Variants in UNC5A observed in about 807,000 individuals in gnomAD.
UNC5A encodes the protein netrin receptor UNC5A.
UNC5A carries 20 observed loss-of-function variants against 87.4 expected under a neutral mutation model. The observed-to-expected ratio is 0.23, with a 90% CI of 0.16 to 0.33. The LOEUF is 0.33. UNC5A is among the 10% of genes least tolerant of loss of function. The probability of loss-of-function intolerance (pLI) is 1.00; values close to 1 mark genes in which losing one functional copy is unlikely to be tolerated. For missense variants in UNC5A, 844 were observed against 1,133.4 expected (o/e 0.74, Z 3.67); for synonymous variants, 438 against 482.3 (o/e 0.91, Z 1.20).
intron 1 of UNC5A, among the ~76,000 whole-genome samples, chr5:176,823,458 C>A (rs1430817281): frequency 6.6e-6 from 1 of 152,172 alleles, no homozygotes; most frequent in Non-Finnish European, 1.5e-5. Flanking sequence ...GACTTAAAGC[C>A]AGCCGTGGCC....
chr5:176,826,652 T>C (rs1756861452), intron 1 of UNC5A, among the ~76,000 whole-genome samples: 1 of 147,472 alleles, frequency 6.8e-6, no homozygotes, highest in Admixed American at 6.7e-5. Flanking sequence ...TTTTTTTTTT[T>C]TTTTTTTTGA....
rs537880656 is a variant in UNC5A at position 176,865,528 on chromosome 5, G to A, written c.293-2602G>A. On this transcript the variant is annotated intron_variant, in intron 2 of 14. Coordinates refer to ENST00000329542, the MANE Select transcript of UNC5A (RefSeq NM_133369.3). This position sits in a 1 kb window ranked among gnomAD's most constrained non-coding sequence, Gnocchi z 5.3. ...AACCGCCAGGGTCCTCTTCTGCCCC[G>A]AGCATCCGACTCCAGCCTCCCATGG... 16 of 453,820 alleles carry A rather than the reference G, an allele frequency of 3.5e-5. No homozygotes were observed. The highest frequency in any genetic ancestry group is 2.8e-4 in the East Asian group (4 of 14,348). The allele number at this position is 453,820 out of a possible 1,614,324, so 28.1% of individuals were successfully genotyped here.
chr5:176,863,807 C>CCCTCCT (rs1282065722), intron 2 of UNC5A, among the ~76,000 whole-genome samples: 1 of 6,638 alleles, frequency 1.5e-4, no homozygotes, highest in Non-Finnish European at 3.9e-4. Flanking sequence ...TCCCTCCTTC[C>CCCTCCT]CCTCCTCCCC....
chr5:176,842,192 G>A lies in UNC5A; in HGVS notation c.71-20432G>A, dbSNP rs148144686. Among the ~76,000 whole-genome samples, 1,320 of 152,320 alleles carry A rather than the reference G, an allele frequency of 8.7e-3. 24 individuals carry two copies. The highest frequency in any genetic ancestry group is 0.03 in the African/African-American group (1,238 of 41,568). On this transcript the variant is annotated intron_variant, in intron 1 of 14. Coordinates refer to ENST00000329542, the MANE Select transcript of UNC5A (RefSeq NM_133369.3). ...AGCCTGGATGATAGAGCGAGACTCC[G>A]TCTCAAAACAAAACAAAATCAAAAA...
chr5:176,868,857 G>A lies in UNC5A; in HGVS notation c.614G>A (p.Ser205Asn). 6.2e-7 allele frequency: 1 copy of A among 1,612,934 alleles called. No individual in the cohort carries two copies. Residue 205 changes from serine to asparagine, a missense_variant, in exon 5 of 15, where the codon AGC becomes AAC. Physicochemically the swap from Ser to Asn is conservative, Grantham distance 46 (BLOSUM62 1). Coordinates refer to ENST00000329542, the MANE Select transcript of UNC5A (RefSeq NM_133369.3). ...DPNVYITREHSLVVRQARLAD... is the reference protein window; with the variant it reads ...DPNVYITREHNLVVRQARLAD... Reference sequence around the variant, plus strand: ...AATGTATACATCACGCGGGAGCACAGCCTGGTGGTGCGACAGGCCCGCCTT... The same window carrying A: ...AATGTATACATCACGCGGGAGCACAACCTGGTGGTGCGACAGGCCCGCCTT...
chr5:176,877,347 C>A (rs780617491), intron 9 of UNC5A, 68 bp downstream of exon 9: 48 of 1,445,898 alleles, frequency 3.3e-5, no homozygotes, highest in Non-Finnish European at 4.4e-5. Flanking sequence ...CCCAGGAAGC[C>A]CCCTGCCCAC....
chr5:176,873,937 G>T, intron 6 of UNC5A, 31 bp from the exon 7 acceptor site: 3 of 1,603,906 alleles, frequency 1.9e-6, no homozygotes, highest in Non-Finnish European at 2.6e-6. Flanking sequence ...CTACACCCCT[G>T]CCCCCACCAA....
intron 1 of UNC5A, among the ~76,000 whole-genome samples, chr5:176,855,293 C>G (rs192059668): frequency 6.6e-6 from 1 of 152,248 alleles, no homozygotes; most frequent in Non-Finnish European, 1.5e-5. Context: ...GGCTCCATGC[C>G]CACGGCTCCA....
At chr5:176,812,164 T>C (rs1756474247) in intron 1 of UNC5A, among the ~76,000 whole-genome samples, 1 of 152,156 alleles carries the variant, frequency 6.6e-6, no homozygotes, top group South Asian at 2.1e-4. Context: ...GAACTGCTGT[T>C]GGGTGTGTGT....
intron 1 of UNC5A, among the ~76,000 whole-genome samples, chr5:176,818,329 TC>T (rs1756644442): frequency 6.6e-6 from 1 of 152,190 alleles, no homozygotes; most frequent in Non-Finnish European, 1.5e-5. Flanking sequence ...TTGCCCCAGG[TC>T]CCGGCTGTCC....
chr5:176,823,862 G>A (rs943782082), intron 1 of UNC5A, among the ~76,000 whole-genome samples: 2 of 152,318 alleles, frequency 1.3e-5, no homozygotes, highest in African/African-American at 2.4e-5. Context: ...GCTCCATCTC[G>A]AGGGGGTTGG....
At chr5:176,825,639 T>C (rs1020205329) in intron 1 of UNC5A, among the ~76,000 whole-genome samples, 3 of 152,084 alleles carry the variant, frequency 2.0e-5, no homozygotes, top group African/African-American at 4.8e-5. Flanking sequence ...GCACTGGCGA[T>C]GTACTTGCAC....
chr5:176,878,264 G>C lies in UNC5A; in HGVS notation c.1890G>C (p.Lys630Asn), dbSNP rs772460110. The C allele has an allele frequency of 6.2e-7, 1 of 1,612,236 alleles. No individual in the cohort carries two copies. The highest frequency in any genetic ancestry group is 1.3e-5 in the African/African-American group (1 of 74,942). Residue 630 changes from lysine to asparagine, a missense_variant, in exon 12 of 15, where the codon AAG (lysine) becomes AAC (asparagine). Transcript: ENST00000329542. ...DALKEVVQLE[K>N]QLGGQLIQEP... ...TGCAGGAGGTGGTGCAGCTGGAGAA[G>C]CAGCTGGGGGGACAGCTGATCCAGG...
intron 1 of UNC5A, among the ~76,000 whole-genome samples, chr5:176,853,338 C>T (rs1757590107): frequency 6.6e-6 from 1 of 152,212 alleles, no homozygotes; most frequent in Non-Finnish European, 1.5e-5. Flanking sequence ...GCCTGGTCTG[C>T]AGGAGCTGGC....
At chr5:176,845,708 A>C (rs575758015) in intron 1 of UNC5A, among the ~76,000 whole-genome samples, 69 of 152,352 alleles carry the variant, frequency 4.5e-4, no homozygotes, top group African/African-American at 1.6e-3. Context: ...GATGGACAAC[A>C]AAGAGACAAG....
chr5:176,873,932 C>T (rs374803409), intron 6 of UNC5A, 36 bp from the exon 7 acceptor site: 5 of 1,601,442 alleles, frequency 3.1e-6, no homozygotes, highest in Non-Finnish European at 4.3e-6. Flanking sequence ...GACTCCTACA[C>T]CCCTGCCCCC....
intron 1 of UNC5A, among the ~76,000 whole-genome samples, chr5:176,818,266 T>A (rs557207251): frequency 1.9e-4 from 29 of 152,252 alleles, no homozygotes; most frequent in Non-Finnish European, 3.5e-4. Flanking sequence ...GGCCGGGGCT[T>A]CCGATGCACC....
intron 1 of UNC5A, among the ~76,000 whole-genome samples, chr5:176,843,173 AAAG>A (rs777613762): frequency 0.078 from 10,677 of 137,078 alleles, 639 homozygotes; most frequent in African/African-American, 0.23. Context: ...AAAAAAAAAA[AAAG>A]AAAGAAAGAA....
rs149892210 is a variant in UNC5A at position 176,835,242 on chromosome 5, T to C, written c.70+24422T>C. Among the ~76,000 whole-genome samples the C allele has an allele frequency of 7.7e-3, 1,169 of 152,348 alleles. 15 individuals are homozygous for C. Among genetic ancestry groups the C allele is most frequent in the African/African-American group, 0.027 (1,127 of 41,576 alleles). On this transcript the variant is annotated intron_variant, in intron 1 of 14. Transcript: ENST00000329542. ...TGGCACTGGTGTGACTGAGGAGATA[T>C]ATGCCCATGGGTGAAGGTGACCTTC...
Sources: allele counts gnomAD v4.1 joint callset (sites outside exome capture counted in the v4.1 genomes callset), GRCh38; gene constraint gnomAD v4.1.1; non-coding constraint Gnocchi (gnomAD v3.1); transcripts MANE v1.5; gene names NCBI Gene and HGNC (gene_info 2026-07-23, HGNC 2026-07-21).